Variants in FAM184A observed in about 807,000 individuals in gnomAD.
The protein encoded by FAM184A is protein FAM184A.
FAM184A carries 99 observed loss-of-function variants against 143.8 expected under a neutral mutation model. That is an observed-to-expected ratio of 0.69 (90% CI 0.58 to 0.81). The LOEUF (loss-of-function observed/expected upper bound fraction) is 0.81, where lower values mean the gene tolerates loss of function less well. FAM184A is among the 40% of genes least tolerant of loss of function. FAM184A has a pLI of 0.00. For synonymous variants in FAM184A, 427 were observed against 446.4 expected, an observed-to-expected ratio of 0.96 and a Z score of 0.55; for missense variants, 1,217 against 1,310.5, an observed-to-expected ratio of 0.93 and a Z score of 1.10.
intron 11 of FAM184A, among the ~76,000 whole-genome samples, chr6:118,977,302 T>C (rs1783875486): frequency 6.6e-6 from 1 of 152,120 alleles, no homozygotes; most frequent in Non-Finnish European, 1.5e-5. Context: ...TTAAATATTG[T>C]TGGGTGTGGT....
chr6:119,104,743 G>A (rs1044089005), intron 1 of FAM184A, among the ~76,000 whole-genome samples: 4 of 152,080 alleles, frequency 2.6e-5, no homozygotes, highest in Admixed American at 1.3e-4. Flanking sequence ...TGCAAATAGA[G>A]ACTTCTTTCC....
chr6:119,129,972 G>A (rs1443462295), intron 1 of FAM184A, among the ~76,000 whole-genome samples: 1 of 152,100 alleles, frequency 6.6e-6, no homozygotes, highest in Non-Finnish European at 1.5e-5. Context: ...AGCCCACCAG[G>A]GGCAGGGACA....
chr6:119,092,135 C>T (rs942179069), intron 1 of FAM184A, among the ~76,000 whole-genome samples: 2 of 152,152 alleles, frequency 1.3e-5, no homozygotes, highest in African/African-American at 2.4e-5. Flanking sequence ...TATTTGCCTG[C>T]TTATTTACTT....
At chr6:119,001,156 A>G (rs1451536956) in intron 9 of FAM184A, among the ~76,000 whole-genome samples, 4 of 148,628 alleles carry the variant, frequency 2.7e-5, no homozygotes, top group African/African-American at 1.0e-4. Context: ...TGAAACCTTG[A>G]TAGCATCATA....
intron 1 of FAM184A, among the ~76,000 whole-genome samples, chr6:119,040,248 G>C (rs1016039839): frequency 9.9e-5 from 15 of 152,152 alleles, no homozygotes; most frequent in African/African-American, 3.4e-4. Flanking sequence ...GACCCGTATG[G>C]ATTTGCCGCC....
chr6:118,990,558 TA>T (rs1784345365), intron 9 of FAM184A, among the ~76,000 whole-genome samples: 1 of 146,278 alleles, frequency 6.8e-6, no homozygotes, highest in African/African-American at 2.5e-5. Context: ...ATAACTGAAG[TA>T]ACCTTTTTCA....
At chr6:119,048,896 A>G (rs1786637181) in intron 1 of FAM184A, among the ~76,000 whole-genome samples, 1 of 152,212 alleles carries the variant, frequency 6.6e-6, no homozygotes, top group African/African-American at 2.4e-5. Context: ...ATGCTCATGG[A>G]TACAAAGAAT....
chr6:119,016,651 T>G, intron 5 of FAM184A, 96 bp downstream of exon 5: 1 of 1,064,084 alleles, frequency 9.4e-7, no homozygotes, highest in South Asian at 1.4e-5. Flanking sequence ...GGTTTATTCT[T>G]GAAGTCAGTG....
chr6:119,017,169 A>C (rs1411306217), intron 4 of FAM184A, among the ~76,000 whole-genome samples: 1 of 152,228 alleles, frequency 6.6e-6, no homozygotes, highest in African/African-American at 2.4e-5. Flanking sequence ...TTATCATATT[A>C]GACCAAATGT....
At chr6:119,081,841 C>T (rs1250678237), upstream of FAM184A, among the ~76,000 whole-genome samples, 1 of 152,196 alleles carries the variant, frequency 6.6e-6, no homozygotes. Flanking sequence ...CGTCCAGCTG[C>T]CTGTGTGACC....
intron 9 of FAM184A, among the ~76,000 whole-genome samples, chr6:118,988,577 A>T (rs1422251171): frequency 6.6e-6 from 1 of 152,250 alleles, no homozygotes; most frequent in Non-Finnish European, 1.5e-5. Flanking sequence ...AACTTGACTG[A>T]CCATATAATT....
upstream of FAM184A, among the ~76,000 whole-genome samples, chr6:119,082,681 A>T (rs972261644): frequency 2.0e-5 from 3 of 152,248 alleles, no homozygotes; most frequent in African/African-American, 7.2e-5. Context: ...TGATGCAAGA[A>T]GTGGGCTCCC....
intron 1 of FAM184A, among the ~76,000 whole-genome samples, chr6:119,103,928 GAAAAAA>G (rs199961401): frequency 6.9e-5 from 5 of 72,948 alleles, no homozygotes; most frequent in South Asian, 4.3e-4. Flanking sequence ...TCCGTGTAGA[GAAAAAA>G]AAAAAAAAAA....
At chr6:119,051,625 A>AC (rs1786769014) in intron 1 of FAM184A, among the ~76,000 whole-genome samples, 2 of 152,132 alleles carry the variant, frequency 1.3e-5, no homozygotes, top group Admixed American at 1.3e-4. Context: ...CATCTCATAT[A>AC]CCCCATAAAT....
intron 13 of FAM184A, 77 bp downstream of exon 13, chr6:118,974,947 G>A: frequency 8.4e-7 from 1 of 1,190,884 alleles, no homozygotes; most frequent in Non-Finnish European, 1.2e-6. Flanking sequence ...CACAAAATTA[G>A]CATAGATTAC....
At chr6:119,103,312 C>G (rs900033788) in intron 1 of FAM184A, among the ~76,000 whole-genome samples, 1 of 152,082 alleles carries the variant, frequency 6.6e-6, no homozygotes, top group Non-Finnish European at 1.5e-5. Flanking sequence ...CTACATCAAC[C>G]CCCCCAAATC....
intron 9 of FAM184A, among the ~76,000 whole-genome samples, chr6:118,995,634 A>G (rs1358656891): frequency 6.6e-6 from 1 of 152,230 alleles, no homozygotes; most frequent in Non-Finnish European, 1.5e-5. Flanking sequence ...CTAAAATTCA[A>G]TGACATGAAT....
intron 1 of FAM184A, among the ~76,000 whole-genome samples, chr6:119,097,914 T>C (rs1788549002): frequency 6.6e-6 from 1 of 152,214 alleles, no homozygotes; most frequent in African/African-American, 2.4e-5. Context: ...CATTGTCTGA[T>C]TGTAGGTCAT....
chr6:118,966,246 T>C (rs1021542252), intron 15 of FAM184A, among the ~76,000 whole-genome samples: 4 of 152,236 alleles, frequency 2.6e-5, no homozygotes, highest in African/African-American at 9.7e-5. Context: ...AAATCCGTAT[T>C]TTCTTAGCTG....
Sources: allele counts gnomAD v4.1 joint callset (sites outside exome capture counted in the v4.1 genomes callset), GRCh38; gene constraint gnomAD v4.1.1; transcripts MANE v1.5; gene names NCBI Gene and HGNC (gene_info 2026-07-23, HGNC 2026-07-21).